ESRRG: variants seen among roughly 807,000 people sequenced by gnomAD.
ESRRG encodes the protein estrogen-related receptor gamma.
ESRRG carries 13 observed loss-of-function variants against 44.0 expected under a neutral mutation model. The ratio of observed to expected loss-of-function variants is 0.30; its 90% CI spans 0.19 to 0.47. The LOEUF (loss-of-function observed/expected upper bound fraction) is 0.47. ESRRG is among the 20% of genes least tolerant of loss of function. The pLI, the probability that ESRRG is intolerant of heterozygous loss-of-function variation, is 1.00. For synonymous variants in ESRRG, 215 were observed against 214.6 expected, an observed-to-expected ratio of 1.00 and a Z score of -0.02; for missense variants, 395 against 580.6, an observed-to-expected ratio of 0.68 and a Z score of 3.29.
At chr1:217,005,702 C>T (rs1253292713) in intron 1 of ESRRG, among the ~76,000 whole-genome samples, 1 of 152,130 alleles carries the variant, frequency 6.6e-6, no homozygotes, top group East Asian at 1.9e-4. Flanking sequence ...AGCATTGGTT[C>T]TTAAATGGTT....
intron 2 of ESRRG, among the ~76,000 whole-genome samples, chr1:216,849,880 T>A (rs1394295568): frequency 6.6e-6 from 1 of 152,144 alleles, no homozygotes; most frequent in Non-Finnish European, 1.5e-5. Context: ...AGGACATGAC[T>A]CTTTCAACTA....
intron 1 of ESRRG, among the ~76,000 whole-genome samples, chr1:216,942,307 T>C (rs1340508271): frequency 1.3e-5 from 2 of 152,310 alleles, no homozygotes; most frequent in African/African-American, 2.4e-5. Flanking sequence ...CCTTATCCAG[T>C]CTTCAACTTA....
chr1:217,129,096 T>C (rs2092926323), intron 1 of ESRRG, among the ~76,000 whole-genome samples: 1 of 152,138 alleles, frequency 6.6e-6, no homozygotes, highest in South Asian at 2.1e-4. Context: ...TCCTATATCT[T>C]AGGATTTAAT....
At chr1:217,110,821 T>A (rs2092653395) in intron 1 of ESRRG, among the ~76,000 whole-genome samples, 2 of 152,164 alleles carry the variant, frequency 1.3e-5, no homozygotes, top group South Asian at 4.1e-4. Flanking sequence ...GAAACTATAT[T>A]GCTCGATATC....
intron 3 of ESRRG, among the ~76,000 whole-genome samples, chr1:216,636,654 T>C (rs935470230): frequency 2.6e-5 from 4 of 152,218 alleles, no homozygotes; most frequent in Non-Finnish European, 5.9e-5. Flanking sequence ...CAAGTTAGAT[T>C]CTAGAACTGC....
chr1:216,542,050 G>T lies in ESRRG; in HGVS notation c.862+22169C>A, dbSNP rs1572621320. 2.7e-5 allele frequency among the ~76,000 whole-genome samples: 4 copies of T among 148,064 alleles called. No homozygotes were observed. In the South Asian group the frequency reaches 8.6e-4, roughly 32 times the overall value. ...TGAAATGGATATACTACATTCTGTGGGTATAAGGTGTGTGTCTATGACAGA... is the reference window on the plus strand; with the variant it reads ...TGAAATGGATATACTACATTCTGTGTGTATAAGGTGTGTGTCTATGACAGA... On this transcript the variant is annotated intron_variant, in intron 5 of 6. Transcript: ENST00000408911.
chr1:216,604,901 A>C (rs2059722314), intron 3 of ESRRG, among the ~76,000 whole-genome samples: 1 of 152,328 alleles, frequency 6.6e-6, no homozygotes, highest in Admixed American at 6.5e-5. Context: ...TTTGTGTAGG[A>C]TGAATTATCT....
intron 1 of ESRRG, among the ~76,000 whole-genome samples, chr1:217,087,076 T>G (rs1430422267): frequency 1.3e-5 from 2 of 152,208 alleles, no homozygotes; most frequent in Admixed American, 6.5e-5. Context: ...TCTTGAGTAT[T>G]CAGGTAAGGT....
intron 2 of ESRRG, among the ~76,000 whole-genome samples, chr1:216,906,097 G>A (rs1367762989): frequency 1.3e-5 from 2 of 152,188 alleles, no homozygotes; most frequent in Admixed American, 6.5e-5. Context: ...ACAATTTGAG[G>A]ATATGCACAG....
At chr1:216,704,268 C>G (rs1185078027) in intron 1 of ESRRG, among the ~76,000 whole-genome samples, 1 of 152,190 alleles carries the variant, frequency 6.6e-6, no homozygotes, top group Non-Finnish European at 1.5e-5. Flanking sequence ...AATCCCAACA[C>G]TTTGGAAGGC....
At chr1:216,954,541 C>T (rs2067586419) in intron 1 of ESRRG, among the ~76,000 whole-genome samples, 2 of 152,098 alleles carry the variant, frequency 1.3e-5, no homozygotes, top group African/African-American at 2.4e-5. Context: ...GCACTAAAGG[C>T]TCCTAATTAC....
At chr1:216,726,597 A>G (rs1463767386), upstream of ESRRG, among the ~76,000 whole-genome samples, 1 of 152,172 alleles carries the variant, frequency 6.6e-6, no homozygotes, top group Non-Finnish European at 1.5e-5. Context: ...CAGTCTATAC[A>G]CTTCACAATC....
chr1:217,006,487 G>A (rs2077756908), intron 1 of ESRRG, among the ~76,000 whole-genome samples: 1 of 152,010 alleles, frequency 6.6e-6, no homozygotes, highest in East Asian at 1.9e-4. Context: ...CAGTTACGTT[G>A]GAACTGGCTT....
intron 2 of ESRRG, among the ~76,000 whole-genome samples, chr1:216,768,493 TCTATCTATA>T (rs2093219785): frequency 6.6e-6 from 1 of 151,408 alleles, no homozygotes; most frequent in Admixed American, 6.6e-5. Context: ...TATCTATCTA[TCTATCTATA>T]TTTTAGAGGC....
intron 2 of ESRRG, among the ~76,000 whole-genome samples, chr1:216,934,879 T>C (rs985643856): frequency 2.0e-5 from 3 of 152,194 alleles, no homozygotes; most frequent in African/African-American, 7.2e-5. Flanking sequence ...TCCACTTCAC[T>C]TAGGTTAGAG....
At chr1:216,791,708 T>A (rs377288508) in intron 2 of ESRRG, among the ~76,000 whole-genome samples, 2 of 152,324 alleles carry the variant, frequency 1.3e-5, no homozygotes, top group South Asian at 2.1e-4. Flanking sequence ...TAGTTTGTAC[T>A]TATAAGCACT....
intron 5 of ESRRG, among the ~76,000 whole-genome samples, chr1:216,559,122 G>A (rs765875398): frequency 8.6e-5 from 13 of 151,812 alleles, no homozygotes; most frequent in Non-Finnish European, 1.5e-4. Flanking sequence ...CACCTGCCTC[G>A]GCCTCCCAAA....
intron 1 of ESRRG, among the ~76,000 whole-genome samples, chr1:217,081,988 A>G (rs989015501): frequency 1.3e-5 from 2 of 152,194 alleles, no homozygotes; most frequent in Admixed American, 1.3e-4. Flanking sequence ...TGTTTAGACA[A>G]GCTGTGGCCA....
At chr1:216,868,446 A>C (rs775799830) in intron 2 of ESRRG, among the ~76,000 whole-genome samples, 1 of 152,134 alleles carries the variant, frequency 6.6e-6, no homozygotes, top group African/African-American at 2.4e-5. Context: ...GATGCACCAC[A>C]GTTTATCTAT....
Sources: allele counts gnomAD v4.1 joint callset (sites outside exome capture counted in the v4.1 genomes callset), GRCh38; gene constraint gnomAD v4.1.1; transcripts MANE v1.5; gene names NCBI Gene and HGNC (gene_info 2026-07-23, HGNC 2026-07-21).